The following KCNH8 variants were observed in gnomAD, a reference collection of about 807,000 sequenced individuals.
KCNH8 encodes the protein potassium voltage-gated channel subfamily H member 8.
A neutral mutation model predicts 103.6 loss-of-function variants in KCNH8; 70 were observed. The observed-to-expected ratio is 0.68, with a 90% CI of 0.56 to 0.82. KCNH8 has a LOEUF of 0.82. Among genes scored for constraint, KCNH8 ranks in the 40% least tolerant of loss-of-function variants. KCNH8 has a pLI of 0.00. For synonymous variants in KCNH8, 498 were observed against 489.4 expected, an observed-to-expected ratio of 1.02 and a Z score of -0.23; for missense variants, 1,217 against 1,329.9, an observed-to-expected ratio of 0.92 and a Z score of 1.32.
At chr3:19,236,224 C>A (rs2064062926) in intron 1 of KCNH8, among the ~76,000 whole-genome samples, 1 of 152,194 alleles carries the variant, frequency 6.6e-6, no homozygotes, top group African/African-American at 2.4e-5. Flanking sequence ...CTCTTTGAAT[C>A]CTGGAAGAAG....
chr3:19,527,498 G>A (rs1244388247), intron 15 of KCNH8, among the ~76,000 whole-genome samples: 1 of 151,952 alleles, frequency 6.6e-6, no homozygotes, highest in East Asian at 1.9e-4. Flanking sequence ...CTCACAACAA[G>A]GCCCTTATGG....
rs1051822337 is a variant in KCNH8, at chr3:19,312,474, G to A, written c.443-30113G>A. On this transcript the variant is annotated intron_variant, in intron 3 of 15. Transcript: ENST00000328405. ...CTCAGTCTTGGGCTTGAGTTTCCTC[G>A]TACATACTCGGAATATATTGGATTA... is the stretch of plus-strand genomic sequence containing the variant. Among the ~76,000 whole-genome samples the A allele has an allele frequency of 3.3e-5, 5 of 151,762 alleles. No homozygotes were observed. The South Asian group carries it at 6.2e-4, about 19-fold the overall frequency.
chr3:19,371,689 C>A (rs1321187630), intron 5 of KCNH8, among the ~76,000 whole-genome samples: 5 of 150,898 alleles, frequency 3.3e-5, no homozygotes, highest in African/African-American at 1.2e-4. Context: ...CTTGCCCATG[C>A]CTATGTCCTG....
chr3:19,215,107 C>T (rs2125227650), intron 1 of KCNH8, among the ~76,000 whole-genome samples: 1 of 152,334 alleles, frequency 6.6e-6, no homozygotes. Context: ...TGGAGCTCTA[C>T]CTTCCCAGTT....
chr3:19,358,388 T>A (rs981474116), intron 5 of KCNH8, among the ~76,000 whole-genome samples: 1 of 151,770 alleles, frequency 6.6e-6, no homozygotes, highest in Admixed American at 6.6e-5. Flanking sequence ...AATGAAGATA[T>A]TTTCACAAAA....
chr3:19,474,440 T>G (rs1331819060), intron 11 of KCNH8, among the ~76,000 whole-genome samples: 4 of 152,018 alleles, frequency 2.6e-5, no homozygotes, highest in Non-Finnish European at 5.9e-5. Context: ...AGCGGCAGCT[T>G]TGAGTGGAGG....
intron 3 of KCNH8, among the ~76,000 whole-genome samples, chr3:19,325,654 A>G (rs2065412625): frequency 6.6e-6 from 1 of 152,246 alleles, no homozygotes; most frequent in African/African-American, 2.4e-5. Context: ...CACAACAGTC[A>G]GAATGGCCAC....
At chr3:19,495,995 T>TA (rs76293721) in intron 11 of KCNH8, among the ~76,000 whole-genome samples, 6,603 of 152,188 alleles carry the variant, frequency 0.043, 343 homozygotes, top group East Asian at 0.26. Context: ...ATTTGGCTCT[T>TA]AGATTGGATA....
At chr3:19,288,171 T>C (rs1427527723) in intron 3 of KCNH8, among the ~76,000 whole-genome samples, 1 of 145,398 alleles carries the variant, frequency 6.9e-6, no homozygotes, top group Non-Finnish European at 1.5e-5. Flanking sequence ...TGCACCGGTG[T>C]ATCAAACTTC....
intron 7 of KCNH8, among the ~76,000 whole-genome samples, chr3:19,407,686 GC>G (rs1422117806): frequency 6.6e-6 from 1 of 151,952 alleles, no homozygotes; most frequent in Non-Finnish European, 1.5e-5. Flanking sequence ...AGATCCTGAG[GC>G]ATTCAGAGCA....
chr3:19,493,767 C>G (rs1009148439), intron 11 of KCNH8, among the ~76,000 whole-genome samples: 3 of 151,656 alleles, frequency 2.0e-5, no homozygotes, highest in Non-Finnish European at 2.9e-5. Flanking sequence ...ATTATTTTTC[C>G]TGCCCTACAC....
intron 1 of KCNH8, among the ~76,000 whole-genome samples, chr3:19,248,466 A>G (rs1351030230): frequency 6.6e-6 from 1 of 152,204 alleles, no homozygotes; most frequent in African/African-American, 2.4e-5. Flanking sequence ...GATGTCATCA[A>G]TGAATTTTTA....
intron 5 of KCNH8, among the ~76,000 whole-genome samples, chr3:19,353,572 G>C (rs1240312778): frequency 6.6e-6 from 1 of 152,154 alleles, no homozygotes; most frequent in African/African-American, 2.4e-5. Context: ...TGCAAGGCTT[G>C]TTCAACATAT....
chr3:19,189,451 A>C (rs2063531252), intron 1 of KCNH8, among the ~76,000 whole-genome samples: 1 of 151,894 alleles, frequency 6.6e-6, no homozygotes, highest in Non-Finnish European at 1.5e-5. Flanking sequence ...GGTTTCTTAA[A>C]ATTTCTGTAA....
chr3:19,285,647 T>G (rs2064820430), intron 3 of KCNH8, among the ~76,000 whole-genome samples: 1 of 152,056 alleles, frequency 6.6e-6, no homozygotes, highest in Admixed American at 6.6e-5. Flanking sequence ...AAATAAGTAT[T>G]ATTCCTATTC....
At chr3:19,186,762 T>A (rs1204900307) in intron 1 of KCNH8, among the ~76,000 whole-genome samples, 3 of 152,010 alleles carry the variant, frequency 2.0e-5, no homozygotes, top group Non-Finnish European at 2.9e-5. Flanking sequence ...AAAATAATGT[T>A]GAAATCACTG....
At chr3:19,503,244 G>A (rs1177497185) in intron 11 of KCNH8, among the ~76,000 whole-genome samples, 1 of 151,780 alleles carries the variant, frequency 6.6e-6, no homozygotes, top group African/African-American at 2.4e-5. Context: ...TTTCACACCA[G>A]TTAGAATGGC....
At chr3:19,516,041 CAAAT>C (rs1426848027) in intron 14 of KCNH8, among the ~76,000 whole-genome samples, 7 of 151,892 alleles carry the variant, frequency 4.6e-5, no homozygotes, top group Admixed American at 1.3e-4. Context: ...AATAAAATGA[CAAAT>C]AAACTCTAAA....
intron 1 of KCNH8, among the ~76,000 whole-genome samples, chr3:19,248,118 T>C (rs1192189796): frequency 6.6e-6 from 1 of 152,034 alleles, no homozygotes; most frequent in Non-Finnish European, 1.5e-5. Flanking sequence ...TAATGAAAAA[T>C]TCTGATGAAT....
Sources: allele counts gnomAD v4.1 joint callset (sites outside exome capture counted in the v4.1 genomes callset), GRCh38; gene constraint gnomAD v4.1.1; transcripts MANE v1.5; gene names NCBI Gene and HGNC (gene_info 2026-07-23, HGNC 2026-07-21).